Variants in ARHGAP6 observed in about 807,000 individuals in gnomAD.
The protein encoded by ARHGAP6 is rho GTPase-activating protein 6.
In ARHGAP6, 16 loss-of-function variants were observed where a neutral mutation model predicts 55.7. That is an observed-to-expected ratio of 0.29 (90% CI 0.19 to 0.44). The LOEUF is 0.44. Ranked by LOEUF, ARHGAP6 falls within the 20% of genes least tolerant of loss-of-function variation. The pLI is 1.00. For synonymous variants in ARHGAP6, 382 were observed against 360.9 expected (o/e 1.06, Z -0.66); for missense variants, 698 against 808.9 (o/e 0.86, Z 1.66).
intron 1 of ARHGAP6, among the ~76,000 whole-genome samples, chrX:11,293,956 C>G: frequency 8.9e-6 from 1 of 112,385 alleles, no homozygotes; most frequent in Admixed American, 9.4e-5. Flanking sequence ...GGTCTTTCTT[C>G]TGACAGTTTT....
At chrX:11,603,509 T>C (rs1299096952) in intron 1 of ARHGAP6, among the ~76,000 whole-genome samples, 1 of 111,722 alleles carries the variant, frequency 9.0e-6, no homozygotes, top group Admixed American at 9.5e-5. Flanking sequence ...CTCATTTGTG[T>C]ATATGCATGT....
Position 11,254,620 on chromosome X carries a change from G to T in ARHGAP6, c.676C>A (p.Arg226=). 8.3e-7 allele frequency: 1 copy of T among 1,209,712 alleles called. No homozygotes were observed. Among genetic ancestry groups the T allele is most frequent in the Non-Finnish European group, 1.1e-6 (1 of 895,065 alleles). The change falls in exon 2 of 13, where the codon CGG becomes AGG. Residue 226 remains arginine (R), a synonymous_variant. Coordinates refer to ENST00000337414, the MANE Select transcript of ARHGAP6 (RefSeq NM_013427.3). Reference sequence around the variant, plus strand: ...TGATAAAAAGCCACTTCCTGCAGCCGGGCCCTCTCCAGCTCTGAGAGACTC... The same window carrying T: ...TGATAAAAAGCCACTTCCTGCAGCCTGGCCCTCTCCAGCTCTGAGAGACTC... ...IQSLSELERA[R]LQEVAFYQLQ...
chrX:11,188,129 C>G (rs2046409610), intron 4 of ARHGAP6, among the ~76,000 whole-genome samples: 1 of 112,234 alleles, frequency 8.9e-6, no homozygotes, highest in Admixed American at 9.4e-5. Flanking sequence ...TATCAACTGA[C>G]TCAGCCAATC....
At chrX:11,444,365 A>G (rs1229560646) in intron 1 of ARHGAP6, among the ~76,000 whole-genome samples, 2 of 112,599 alleles carry the variant, frequency 1.8e-5, no homozygotes, top group Admixed American at 9.4e-5. Context: ...AAGTTGGGCT[A>G]TATACCAGAG....
At chrX:11,175,256 A>T (rs1393150643) in intron 8 of ARHGAP6, among the ~76,000 whole-genome samples, 1 of 112,000 alleles carries the variant, frequency 8.9e-6, no homozygotes, top group Admixed American at 9.4e-5. Context: ...CGTAGCCTTT[A>T]CTACAGTTCA....
intron 1 of ARHGAP6, among the ~76,000 whole-genome samples, chrX:11,457,916 G>T (rs1006004871): frequency 9.0e-6 from 1 of 111,713 alleles, no homozygotes; most frequent in Non-Finnish European, 1.9e-5. Flanking sequence ...TTCTCACTGT[G>T]TTCCTGCAGT....
chrX:11,412,321 C>CA (rs1181418385), intron 1 of ARHGAP6, among the ~76,000 whole-genome samples: 2 of 111,520 alleles, frequency 1.8e-5, no homozygotes, highest in African/African-American at 3.3e-5. Context: ...AGCCTCCCAC[C>CA]AAAAACAAAA....
chrX:11,281,434 ATAAT>A (rs905512797), intron 1 of ARHGAP6, among the ~76,000 whole-genome samples: 83 of 109,346 alleles, frequency 7.6e-4, no homozygotes, highest in Admixed American at 3.2e-3. Flanking sequence ...ATACTTATAT[ATAAT>A]TAATTTTATT....
At chrX:11,276,775 T>C (rs2047774409) in intron 1 of ARHGAP6, among the ~76,000 whole-genome samples, 1 of 112,517 alleles carries the variant, frequency 8.9e-6, no homozygotes, top group Admixed American at 9.4e-5. Flanking sequence ...CCTGTGTAAA[T>C]ACTTTTGCTC....
At chrX:11,295,020 C>T (rs946251) in intron 1 of ARHGAP6, among the ~76,000 whole-genome samples, 2,437 of 111,790 alleles carry the variant, frequency 0.022, 30 homozygotes, top group South Asian at 0.052. Context: ...TCTCAAATGC[C>T]GCTACCAAAA....
chrX:11,370,638 TC>T (rs1382582134), intron 1 of ARHGAP6, among the ~76,000 whole-genome samples: 2 of 112,107 alleles, frequency 1.8e-5, no homozygotes, highest in Non-Finnish European at 3.8e-5. Flanking sequence ...TAGGTTTACC[TC>T]CTACAATTCA....
intron 1 of ARHGAP6, among the ~76,000 whole-genome samples, chrX:11,321,415 C>T (rs1008566098): frequency 9.0e-6 from 1 of 111,376 alleles, no homozygotes; most frequent in Non-Finnish European, 1.9e-5. Flanking sequence ...AAAATAAGTA[C>T]CTTTTCTAAA....
At chrX:11,154,216 G>T (rs779642901) in intron 10 of ARHGAP6, among the ~76,000 whole-genome samples, 38 of 111,671 alleles carry the variant, frequency 3.4e-4, no homozygotes, top group Admixed American at 5.7e-4. Context: ...GTCTATCGTT[G>T]TTGGACATTT....
intron 1 of ARHGAP6, among the ~76,000 whole-genome samples, chrX:11,325,893 C>T (rs1167341769): frequency 9.0e-6 from 1 of 111,333 alleles, no homozygotes; most frequent in East Asian, 2.8e-4. Flanking sequence ...AGAAATCAGG[C>T]ATCCTGCTCA....
At position 11,152,231 on chromosome X, in the gene ARHGAP6, G is replaced by A. The variant is rs776494992; in HGVS notation, c.1907+4298C>T. 1.0e-3 allele frequency among the ~76,000 whole-genome samples: 114 copies of A among 112,223 alleles called. 1 individual carries two copies. Among genetic ancestry groups the A allele is most frequent in the Middle Eastern group, 4.6e-3 (1 of 219 alleles). ...ATAGCAATAGAAATGGAATTGAAAC[G>A]TAGGCAATCTGGCTCTGGATCTGAA... On this transcript the variant is annotated intron_variant, in intron 10 of 12. Transcript: ENST00000337414.
rs201195901 is a variant in ARHGAP6 at position 11,310,207 on chromosome X, C to CT, written c.589-55501dup. Among the ~76,000 whole-genome samples the CT allele has an allele frequency of 2.6e-3, 105 of 40,667 alleles. 2 individuals carry two copies. In the East Asian group the frequency reaches 0.041, roughly 16 times the overall value. 35.3% of individuals were successfully genotyped at this position (40,667 alleles called of 115,157 possible). ...TATCACATCACGCCCACTAGGATAG[C>CT]TTTAAAAAAAAAAAAAAACTGTTGG... On this transcript the variant is annotated intron_variant, in intron 1 of 12. Coordinates refer to ENST00000337414, the MANE Select transcript of ARHGAP6 (RefSeq NM_013427.3).
chrX:11,151,651 C>T (rs752951824), intron 10 of ARHGAP6, among the ~76,000 whole-genome samples: 2 of 112,019 alleles, frequency 1.8e-5, no homozygotes, highest in Non-Finnish European at 3.8e-5. Context: ...AGTGAAAAAC[C>T]CAAATCAAAA....
intron 1 of ARHGAP6, among the ~76,000 whole-genome samples, chrX:11,361,362 T>C (rs1340889725): frequency 9.0e-6 from 1 of 110,550 alleles, no homozygotes; most frequent in East Asian, 2.8e-4. Flanking sequence ...TATCTACAAC[T>C]ATCTGATCTT....
intron 8 of ARHGAP6, among the ~76,000 whole-genome samples, chrX:11,169,988 A>G (rs2046067869): frequency 9.0e-6 from 1 of 111,459 alleles, no homozygotes; most frequent in Non-Finnish European, 1.9e-5. Context: ...AGAAATATTG[A>G]CACCCATCCA....
Sources: allele counts gnomAD v4.1 joint callset (sites outside exome capture counted in the v4.1 genomes callset), GRCh38; gene constraint gnomAD v4.1.1; transcripts MANE v1.5; gene names NCBI Gene and HGNC (gene_info 2026-07-23, HGNC 2026-07-21).